The following HS3ST5 variants were observed in gnomAD, a reference collection of about 807,000 sequenced individuals.
HS3ST5 encodes heparan sulfate glucosamine 3-O-sulfotransferase 5.
In HS3ST5, 10 loss-of-function variants were observed where a neutral mutation model predicts 25.4. The ratio of observed to expected loss-of-function variants is 0.39; its 90% CI spans 0.24 to 0.67. The LOEUF (loss-of-function observed/expected upper bound fraction) is 0.67, where lower values mean the gene tolerates loss of function less well. Among genes scored for constraint, HS3ST5 ranks in the 30% least tolerant of loss-of-function variants. HS3ST5 has a pLI of 0.44. For missense variants in HS3ST5, 324 were observed against 420.7 expected (o/e 0.77, Z 2.01); for synonymous variants, 170 against 162.4 (o/e 1.05, Z -0.36).
Position 114,333,650 on chromosome 6 carries a change from T to A in HS3ST5, c.-339+8545A>T, listed in dbSNP as rs189633931. ...ATTATGGCTAATATATATATTTTTT[T>A]AAAATTTTTTTTTGATACAGAGTCT... On this transcript the variant is annotated intron_variant, in intron 1 of 4. Coordinates refer to ENST00000312719, the MANE Select transcript of HS3ST5 (RefSeq NM_153612.4). 2.2e-3 allele frequency among the ~76,000 whole-genome samples: 338 copies of A among 152,142 alleles called. 1 individual carries two copies. Among genetic ancestry groups the A allele is most frequent in the African/African-American group, 5.8e-3 (239 of 41,490 alleles).
At chr6:114,110,552 TG>T (rs986606038) in intron 3 of HS3ST5, among the ~76,000 whole-genome samples, 3 of 152,190 alleles carry the variant, frequency 2.0e-5, no homozygotes, top group African/African-American at 7.2e-5. Flanking sequence ...TGCTTTGGAA[TG>T]GTGGTACTAA....
intron 3 of HS3ST5, among the ~76,000 whole-genome samples, chr6:114,069,829 G>A (rs1186321712): frequency 6.6e-6 from 1 of 152,014 alleles, no homozygotes; most frequent in Admixed American, 6.6e-5. Context: ...GCCCATGGGA[G>A]ACTTTTTAAA....
intron 3 of HS3ST5, among the ~76,000 whole-genome samples, chr6:114,121,929 G>A (rs557943203): frequency 3.7e-4 from 57 of 152,312 alleles, no homozygotes; most frequent in African/African-American, 1.3e-3. Flanking sequence ...TTCTGACAGC[G>A]TGTCCTACCT....
chr6:114,187,536 G>T (rs1051045326), intron 2 of HS3ST5, among the ~76,000 whole-genome samples: 1 of 152,170 alleles, frequency 6.6e-6, no homozygotes, highest in Admixed American at 6.5e-5. Flanking sequence ...AAACTTGAAC[G>T]GATGAGGAGT....
At chr6:114,203,383 G>A (rs1331810072) in intron 2 of HS3ST5, among the ~76,000 whole-genome samples, 2 of 152,102 alleles carry the variant, frequency 1.3e-5, no homozygotes, top group Non-Finnish European at 2.9e-5. Context: ...GCCTTTGTAA[G>A]ACTGATGAAA....
At chr6:114,107,820 A>T (rs1347871337) in intron 3 of HS3ST5, among the ~76,000 whole-genome samples, 1 of 152,248 alleles carries the variant, frequency 6.6e-6, no homozygotes, top group Non-Finnish European at 1.5e-5. Flanking sequence ...GATAATTAAA[A>T]AGCATTATCG....
chr6:114,340,448 A>G (rs1436782930), intron 1 of HS3ST5: 1 of 152,222 alleles, frequency 6.6e-6, no homozygotes, highest in Non-Finnish European at 1.5e-5. Flanking sequence ...AAAACACTGG[A>G]GGCGGTTAAA....
intron 3 of HS3ST5, among the ~76,000 whole-genome samples, chr6:114,140,897 C>T (rs1777871668): frequency 6.6e-6 from 1 of 152,036 alleles, no homozygotes; most frequent in African/African-American, 2.4e-5. Context: ...TTTCTTTCTG[C>T]TTCAGTTTCC....
At chr6:114,258,014 C>G (rs920455184) in intron 1 of HS3ST5, among the ~76,000 whole-genome samples, 2 of 152,160 alleles carry the variant, frequency 1.3e-5, no homozygotes, top group African/African-American at 4.8e-5. Flanking sequence ...CTGCCTTGGC[C>G]TCCCAAAGTG....
At chr6:114,306,278 C>CACACAT (rs762706534) in intron 1 of HS3ST5, among the ~76,000 whole-genome samples, 14 of 141,532 alleles carry the variant, frequency 9.9e-5, no homozygotes, top group African/African-American at 3.4e-4. Flanking sequence ...CACACACACA[C>CACACAT]ATATATATAT....
At chr6:114,147,332 A>G (rs539322787) in intron 3 of HS3ST5, among the ~76,000 whole-genome samples, 5 of 152,258 alleles carry the variant, frequency 3.3e-5, no homozygotes, top group Admixed American at 3.3e-4. Flanking sequence ...CTGAATTCTC[A>G]CTGATAGAAC....
intron 2 of HS3ST5, among the ~76,000 whole-genome samples, chr6:114,205,814 C>A (rs1488242119): frequency 6.6e-6 from 1 of 152,164 alleles, no homozygotes; most frequent in South Asian, 2.1e-4. Context: ...AGATCCCTCA[C>A]ACGTGCAGTT....
At chr6:114,332,109 C>T (rs1776421838) in intron 1 of HS3ST5, among the ~76,000 whole-genome samples, 1 of 152,084 alleles carries the variant, frequency 6.6e-6, no homozygotes, top group Non-Finnish European at 1.5e-5. Flanking sequence ...TGGCCTAATT[C>T]TCTATAGACT....
chr6:114,193,649 G>A (rs556887607), intron 2 of HS3ST5, among the ~76,000 whole-genome samples: 2 of 152,074 alleles, frequency 1.3e-5, no homozygotes, highest in Non-Finnish European at 2.9e-5. Flanking sequence ...GGTTTTTAAG[G>A]GTTAAATGAA....
chr6:114,087,698 T>C (rs891512072), intron 3 of HS3ST5, among the ~76,000 whole-genome samples: 2 of 152,188 alleles, frequency 1.3e-5, no homozygotes, highest in African/African-American at 4.8e-5. Flanking sequence ...TACTTTCTCT[T>C]TAATTGGATT....
chr6:114,123,177 T>A lies in HS3ST5; in HGVS notation c.-33+45174A>T, dbSNP rs539007873. On this transcript the variant is annotated intron_variant, in intron 3 of 4. Transcript: ENST00000312719. ...CATGTTGGTCAGGCTGGTCTAAAAC[T>A]CCCAACCTCAGGTGATCTGCCCACC... Among the ~76,000 whole-genome samples, 7 of 152,282 alleles carry A rather than the reference T, an allele frequency of 4.6e-5. No individual in the cohort carries two copies. The South Asian group carries it at 1.4e-3, about 32-fold the overall frequency.
At position 114,058,054 on chromosome 6, in the gene HS3ST5, G is replaced by T. The variant is rs544926335; in HGVS notation, c.244C>A (p.Arg82Ser). ...RKGNASKEQV[R>S]LHDLVQQLPK... ...AGCTGCTGGACCAGGTCATGGAGGCGAACCTGCTCCTTGGAAGCGTTGCCC... is the reference window on the plus strand; with the variant it reads ...AGCTGCTGGACCAGGTCATGGAGGCTAACCTGCTCCTTGGAAGCGTTGCCC... The change falls in exon 5 of 5, where the codon CGC becomes AGC. Residue 82 changes from arginine to serine, a missense_variant. Arg to Ser is a moderately radical substitution (Grantham distance 110). Transcript: ENST00000312719. 8 of 1,614,042 alleles carry T rather than the reference G, an allele frequency of 5.0e-6. No homozygotes were observed. The African/African-American group carries it at 9.3e-5, about 19-fold the overall frequency.
intron 3 of HS3ST5, among the ~76,000 whole-genome samples, chr6:114,097,316 T>C (rs1182907071): frequency 6.6e-6 from 1 of 151,948 alleles, no homozygotes; most frequent in Admixed American, 6.6e-5. Context: ...TGGATATACT[T>C]ATGAAAAAAG....
At chr6:114,116,489 T>A (rs1776534659) in intron 3 of HS3ST5, among the ~76,000 whole-genome samples, 1 of 152,150 alleles carries the variant, frequency 6.6e-6, no homozygotes, top group Non-Finnish European at 1.5e-5. Context: ...GAAGTGTTTT[T>A]GAGTCAGCTG....
Sources: gnomAD v4.1 joint callset for allele counts (sites outside exome capture counted in the v4.1 genomes callset) on GRCh38, gnomAD v4.1.1 for gene constraint, MANE v1.5 for transcripts, NCBI Gene and HGNC (gene_info 2026-07-23, HGNC 2026-07-21) for gene names.